The following LUC7L variants were observed in gnomAD, a reference collection of about 807,000 sequenced individuals.
LUC7L encodes putative RNA-binding protein Luc7-like 1.
Under a neutral mutation model 51.1 loss-of-function variants are expected in LUC7L, and 29 were observed. The ratio of observed to expected loss-of-function variants is 0.57; its 90% CI spans 0.42 to 0.77. The LOEUF (loss-of-function observed/expected upper bound fraction) is 0.77, where lower values mean the gene tolerates loss of function less well. Among genes scored for constraint, LUC7L ranks in the 30% least tolerant of loss-of-function variants. The pLI is 0.00. For missense variants in LUC7L, 403 were observed against 511.9 expected, an observed-to-expected ratio of 0.79 and a Z score of 2.05; for synonymous variants, 181 against 180.7, an observed-to-expected ratio of 1.00 and a Z score of -0.01.
intron 3 of LUC7L, chr16:208,476 T>C: frequency 2.2e-6 from 1 of 450,810 alleles, no homozygotes; most frequent in East Asian, 1.1e-4. Context: ...AAAGAAATTC[T>C]GAGGAAAATT....
chr16:222,719 C>G (rs1361520125), intron 2 of LUC7L, among the ~76,000 whole-genome samples: 1 of 151,358 alleles, frequency 6.6e-6, no homozygotes, highest in Non-Finnish European at 1.5e-5. Flanking sequence ...CAACCTCCGC[C>G]TCCCAGGTTC....
chr16:215,472 T>G (rs1177455989), intron 3 of LUC7L, among the ~76,000 whole-genome samples: 1 of 151,232 alleles, frequency 6.6e-6, no homozygotes, highest in Admixed American at 6.6e-5. Flanking sequence ...TACAAAAAAT[T>G]AGCCAGGCAT....
intron 5 of LUC7L, among the ~76,000 whole-genome samples, chr16:201,904 T>C (rs2049344468): frequency 6.6e-6 from 1 of 151,632 alleles, no homozygotes; most frequent in Non-Finnish European, 1.5e-5. Context: ...CCACCACACC[T>C]GGCTAATTTT....
chr16:225,209 CG>C (rs2050096381), intron 2 of LUC7L, among the ~76,000 whole-genome samples: 1 of 152,014 alleles, frequency 6.6e-6, no homozygotes, highest in Non-Finnish European at 1.5e-5. Flanking sequence ...CAGTTCTGGC[CG>C]GGCGCAGTGT....
intron 3 of LUC7L, among the ~76,000 whole-genome samples, chr16:219,216 C>A (rs993908803): frequency 4.0e-5 from 6 of 151,848 alleles, no homozygotes; most frequent in African/African-American, 9.7e-5. Flanking sequence ...TGGTAAAACC[C>A]CATCTCTACC....
chr16:223,222 G>A (rs1411595228), intron 2 of LUC7L, among the ~76,000 whole-genome samples: 1 of 151,680 alleles, frequency 6.6e-6, no homozygotes, highest in Non-Finnish European at 1.5e-5. Flanking sequence ...TTAGCTGGGC[G>A]CCTGTAGTCC....
intron 1 of LUC7L, chr16:228,749 G>C: frequency 7.9e-7 from 1 of 1,267,012 alleles, no homozygotes. Flanking sequence ...TGTGTGCTGG[G>C]GGGAAGGGGG....
At position 199,223 on chromosome 16, in the gene LUC7L, A is replaced by C; in HGVS notation, c.526T>G (p.Ser176Ala). 1 of 1,598,482 alleles carries C rather than the reference A, an allele frequency of 6.3e-7. No individual in the cohort carries two copies. Among genetic ancestry groups the C allele is most frequent in the Non-Finnish European group, 8.6e-7 (1 of 1,167,732 alleles). Residue 176 changes from serine to alanine, a missense_variant, in exon 6 of 10, where the codon TCC becomes GCC. This residue lies in a region of LUC7L where 182 missense variants were observed against 248.4 expected (regional missense o/e 0.73). Coordinates refer to ENST00000293872, the MANE Select transcript of LUC7L (RefSeq NM_201412.3). The stretch of plus-strand genomic sequence containing the variant: ...TGCTGAAAACTGGATGCAGGCATGG[A>C]ATTTCTGTATTCTTCCTGAAGAAGG... ...KKEAEEEYRN[S>A]MPASSFQQQK...
At chr16:222,787 C>T (rs1052228420) in intron 2 of LUC7L, among the ~76,000 whole-genome samples, 17 of 151,510 alleles carry the variant, frequency 1.1e-4, no homozygotes, top group Non-Finnish European at 1.6e-4. Flanking sequence ...TGTGCCACCA[C>T]GCCCAGCTAA....
intron 3 of LUC7L, among the ~76,000 whole-genome samples, chr16:216,469 G>A (rs1367580254): frequency 5.9e-5 from 8 of 134,874 alleles, no homozygotes; most frequent in Non-Finnish European, 9.1e-5. Flanking sequence ...TGAAACCTCC[G>A]CCTCCTGGGT....
intron 3 of LUC7L, among the ~76,000 whole-genome samples, chr16:218,022 T>A: frequency 2.7e-5 from 3 of 110,660 alleles, no homozygotes; most frequent in East Asian, 2.7e-4. Flanking sequence ...CAAAACTATA[T>A]CTCCAAAAAA....
intron 3 of LUC7L, 67 bp from the exon 4 acceptor site, chr16:208,255 G>T: frequency 8.5e-7 from 1 of 1,183,394 alleles, no homozygotes; most frequent in Non-Finnish European, 1.2e-6. Flanking sequence ...GAACCCATTT[G>T]CTTGATAGGA....
chr16:192,021 A>G (rs2049022970), intron 7 of LUC7L, among the ~76,000 whole-genome samples: 1 of 152,058 alleles, frequency 6.6e-6, no homozygotes, highest in Admixed American at 6.6e-5. Context: ...TGGCCTCTCA[A>G]GCTGAGTGTG....
chr16:216,000 G>C (rs555329071), intron 3 of LUC7L, among the ~76,000 whole-genome samples: 1 of 151,376 alleles, frequency 6.6e-6, no homozygotes, highest in Non-Finnish European at 1.5e-5. Flanking sequence ...TGCCCAGCCC[G>C]GTTTACTGTT....
At chr16:210,405 C>T (rs568707953) in intron 3 of LUC7L, among the ~76,000 whole-genome samples, 7 of 152,210 alleles carry the variant, frequency 4.6e-5, no homozygotes, top group African/African-American at 1.4e-4. Flanking sequence ...TGCTTCTATG[C>T]ACCTGTACAC....
At position 218,479 on chromosome 16, in the gene LUC7L, G is replaced by C. The variant is rs2049872020; in HGVS notation, c.255+2170C>G. Reference sequence around the variant, plus strand: ...ATCACACCTGTAAACCCAGCACTTTGGGAGAGTGAGGTGGGTGGATCACCT... The same window carrying C: ...ATCACACCTGTAAACCCAGCACTTTCGGAGAGTGAGGTGGGTGGATCACCT... On this transcript the variant is annotated intron_variant, in intron 3 of 9. Coordinates refer to ENST00000293872, the MANE Select transcript of LUC7L (RefSeq NM_201412.3). 1.3e-5 allele frequency among the ~76,000 whole-genome samples: 2 copies of C among 152,172 alleles called. 1 individual carries two copies. The highest frequency in any genetic ancestry group is 4.1e-4 in the South Asian group (2 of 4,834).
chr16:215,681 T>C (rs2049775505), intron 3 of LUC7L, among the ~76,000 whole-genome samples: 1 of 149,790 alleles, frequency 6.7e-6, no homozygotes, highest in Admixed American at 6.7e-5. Context: ...CATGCACCTG[T>C]AGTCCCAGCT....
At chr16:227,965 T>A in intron 1 of LUC7L, 1 of 1,032,524 alleles carries the variant, frequency 9.7e-7, no homozygotes, top group Non-Finnish European at 1.2e-6. Flanking sequence ...ATACACACTG[T>A]GAGCTCCAAC....
rs576686404 is a variant in LUC7L at position 202,914 on chromosome 16, G to A, written c.510+3090C>T. On this transcript the variant is annotated intron_variant, in intron 5 of 9. Coordinates refer to ENST00000293872, the MANE Select transcript of LUC7L (RefSeq NM_201412.3). ...TGTAATCCCAGCACTGTGGGAGGCT[G>A]AGGCAGGTGGATCACTTGAGGTCAG... 5.6e-4 allele frequency among the ~76,000 whole-genome samples: 85 copies of A among 152,274 alleles called. 1 individual carries two copies. The highest frequency in any genetic ancestry group is 4.4e-5 in the Non-Finnish European group (3 of 68,026).
Sources: allele counts gnomAD v4.1 joint callset (sites outside exome capture counted in the v4.1 genomes callset), GRCh38; gene constraint gnomAD v4.1.1; regional missense constraint gnomAD v4.1.1; transcripts MANE v1.5; gene names NCBI Gene and HGNC (gene_info 2026-07-23, HGNC 2026-07-21).